B3GALT1: variants seen among roughly 807,000 people sequenced by gnomAD.
B3GALT1 encodes the protein beta-1,3-galactosyltransferase 1.
Under a neutral mutation model 23.2 loss-of-function variants are expected in B3GALT1, and 10 were observed. That is an observed-to-expected ratio of 0.43 (90% CI 0.27 to 0.73). The LOEUF is 0.73. B3GALT1 is among the 30% of genes least tolerant of loss of function. B3GALT1 has a pLI of 0.21. For missense variants in B3GALT1, 299 were observed against 405.4 expected (o/e 0.74, Z 2.25); for synonymous variants, 156 against 141.5 (o/e 1.10, Z -0.73).
chr2:167,517,997 A>G (rs1255814637), intron 2 of B3GALT1, among the ~76,000 whole-genome samples: 3 of 152,002 alleles, frequency 2.0e-5, no homozygotes, highest in African/African-American at 7.2e-5. Flanking sequence ...TCTCCTTGCC[A>G]TGAGATTTCC....
chr2:167,635,828 G>A (rs1685542706), intron 2 of B3GALT1, among the ~76,000 whole-genome samples: 1 of 151,980 alleles, frequency 6.6e-6, no homozygotes, highest in African/African-American at 2.4e-5. Context: ...TTTCTTCACA[G>A]AATTAGAAAA....
chr2:167,654,360 T>C (rs184912415), intron 3 of B3GALT1, among the ~76,000 whole-genome samples: 1 of 152,322 alleles, frequency 6.6e-6, no homozygotes, highest in East Asian at 1.9e-4. Context: ...CTTCACCCTG[T>C]GAAATCTCTT....
chr2:167,399,580 T>A (rs924725920), intron 1 of B3GALT1, among the ~76,000 whole-genome samples: 2 of 152,084 alleles, frequency 1.3e-5, no homozygotes, highest in Non-Finnish European at 2.9e-5. Flanking sequence ...CCCAAGTTTT[T>A]TATTTTTGTT....
intron 3 of B3GALT1, among the ~76,000 whole-genome samples, chr2:167,767,828 T>C (rs1347704383): frequency 1.3e-5 from 2 of 152,172 alleles, no homozygotes; most frequent in African/African-American, 4.8e-5. Context: ...AAGAAATTTA[T>C]TATAAAGTTT....
intron 1 of B3GALT1, among the ~76,000 whole-genome samples, chr2:167,322,805 A>T (rs1476669073): frequency 6.6e-6 from 1 of 152,060 alleles, no homozygotes; most frequent in East Asian, 1.9e-4. Context: ...TGAGCTTTTT[A>T]GTCTTGATTT....
intron 1 of B3GALT1, among the ~76,000 whole-genome samples, chr2:167,308,396 A>G (rs181440114): frequency 6.6e-6 from 1 of 152,138 alleles, no homozygotes; most frequent in East Asian, 1.9e-4. Context: ...AAACTGCCCT[A>G]TCTTTCTTAG....
intron 3 of B3GALT1, among the ~76,000 whole-genome samples, chr2:167,748,904 C>G (rs1417315983): frequency 6.6e-6 from 1 of 152,120 alleles, no homozygotes; most frequent in African/African-American, 2.4e-5. Context: ...GTCATTCATG[C>G]CACACACATT....
intron 2 of B3GALT1, among the ~76,000 whole-genome samples, chr2:167,501,041 G>C (rs1373037587): frequency 6.6e-6 from 1 of 151,912 alleles, no homozygotes; most frequent in African/African-American, 2.4e-5. Flanking sequence ...ATTTAAAATA[G>C]ACATTTAACG....
At chr2:167,578,187 T>C (rs919076869) in intron 2 of B3GALT1, among the ~76,000 whole-genome samples, 12 of 152,136 alleles carry the variant, frequency 7.9e-5, no homozygotes, top group Admixed American at 5.2e-4. Context: ...TATTGAGTTC[T>C]GGAAAGGGCC....
intron 3 of B3GALT1, among the ~76,000 whole-genome samples, chr2:167,804,374 T>C (rs1189808771): frequency 2.0e-5 from 3 of 151,996 alleles, no homozygotes; most frequent in Non-Finnish European, 2.9e-5. Flanking sequence ...ATGTGCACAA[T>C]GTGCAGGTTA....
In B3GALT1 at chr2:167,342,589, CAA is replaced by C. The variant is rs58789417; in HGVS notation, c.-511+49267_-511+49268del. On this transcript the variant is annotated intron_variant, in intron 1 of 4. Transcript: ENST00000392690. ...TGGGTGACAGAGAGAGACTTCATCT[CAA>C]AAAAAAAAAAAGAAAAAAAAACAAA... Among the ~76,000 whole-genome samples the C allele has an allele frequency of 5.0e-3, 466 of 93,876 alleles. 15 individuals are homozygous for C. In the East Asian group the frequency reaches 0.088, roughly 18 times the overall value. 61.6% of individuals were successfully genotyped at this position (93,876 alleles called of 152,430 possible).
chr2:167,590,445 G>A (rs972479658), intron 2 of B3GALT1, among the ~76,000 whole-genome samples: 5 of 151,396 alleles, frequency 3.3e-5, no homozygotes, highest in Admixed American at 1.3e-4. Flanking sequence ...ACCATGGCAC[G>A]TTTATCTATG....
At chr2:167,591,169 CTG>C (rs1265285253) in intron 2 of B3GALT1, among the ~76,000 whole-genome samples, 4 of 152,080 alleles carry the variant, frequency 2.6e-5, no homozygotes, top group Admixed American at 2.6e-4. Flanking sequence ...TTGATAGGAT[CTG>C]TGTGTGTAAG....
chr2:167,344,964 A>G (rs946105138), intron 1 of B3GALT1, among the ~76,000 whole-genome samples: 1 of 152,216 alleles, frequency 6.6e-6, no homozygotes, highest in African/African-American at 2.4e-5. Context: ...AGTAGTTCTC[A>G]TTTGGAGCTG....
At chr2:167,823,871 G>C (rs922233189) in intron 4 of B3GALT1, among the ~76,000 whole-genome samples, 7 of 152,194 alleles carry the variant, frequency 4.6e-5, no homozygotes, top group Non-Finnish European at 1.0e-4. Context: ...ATAATATTTA[G>C]ATATAACAAT....
At chr2:167,770,008 C>A (rs553196362) in intron 3 of B3GALT1, among the ~76,000 whole-genome samples, 1 of 152,304 alleles carries the variant, frequency 6.6e-6, no homozygotes, top group East Asian at 1.9e-4. Context: ...TTCTCACCAG[C>A]AATGTATGAA....
chr2:167,538,366 T>C (rs540345519), intron 2 of B3GALT1, among the ~76,000 whole-genome samples: 1 of 152,244 alleles, frequency 6.6e-6, no homozygotes, highest in Non-Finnish European at 1.5e-5. Context: ...AGTATATACG[T>C]ATATGTGCAT....
At chr2:167,852,380 T>A (rs1023311029) in intron 4 of B3GALT1, among the ~76,000 whole-genome samples, 10 of 152,048 alleles carry the variant, frequency 6.6e-5, no homozygotes, top group Non-Finnish European at 1.0e-4. Context: ...AAAGAATAAT[T>A]CAAGGATTTG....
intron 3 of B3GALT1, among the ~76,000 whole-genome samples, chr2:167,709,721 G>A (rs114896407): frequency 3.9e-5 from 6 of 151,948 alleles, no homozygotes; most frequent in African/African-American, 9.6e-5. Context: ...TTTAATCCTC[G>A]CCATGAGAAG....
Sources: allele counts gnomAD v4.1 joint callset (sites outside exome capture counted in the v4.1 genomes callset), GRCh38; gene constraint gnomAD v4.1.1; transcripts MANE v1.5; gene names NCBI Gene and HGNC (gene_info 2026-07-23, HGNC 2026-07-21).